IQGAP1: variants seen among roughly 807,000 people sequenced by gnomAD.
IQGAP1 encodes ras GTPase-activating-like protein IQGAP1.
In IQGAP1, 66 loss-of-function variants were observed where a neutral mutation model predicts 215.6. The ratio of observed to expected loss-of-function variants is 0.31; its 90% CI spans 0.25 to 0.38. IQGAP1 has a LOEUF of 0.38. Ranked by LOEUF, IQGAP1 falls within the 10% of genes least tolerant of loss-of-function variation. IQGAP1 has a pLI of 1.00. For missense variants in IQGAP1, 1,712 were observed against 1,997.1 expected, an observed-to-expected ratio of 0.86 and a Z score of 2.72; for synonymous variants, 772 against 728.7, an observed-to-expected ratio of 1.06 and a Z score of -0.96.
In IQGAP1 at chr15:90,500,135, G is replaced by A. The variant is rs372551808; in HGVS notation, c.*27G>A. On this transcript the variant is annotated 3_prime_UTR_variant, in exon 38 of 38. Transcript: ENST00000268182. ...TGATCGTTTGCTGCCAGCCCAGAAG[G>A]ATGAAGGAAAGAAGCACCTCACAGC... The A allele has an allele frequency of 1.4e-5, 19 of 1,344,720 alleles. No homozygotes were observed. Among genetic ancestry groups the A allele is most frequent in the Middle Eastern group, 1.8e-4 (1 of 5,568 alleles). The allele number at this position is 1,344,720 out of a possible 1,614,324, so 83.3% of individuals were successfully genotyped here.
rs547768968 is a variant in IQGAP1 at position 90,403,215 on chromosome 15, G to T, written c.155+12342G>T. 5.9e-5 allele frequency among the ~76,000 whole-genome samples: 9 copies of T among 152,320 alleles called. No homozygotes were observed. The South Asian group carries it at 1.9e-3, about 32-fold the overall frequency. ...CACTTGAGCCCAAGAGTTCGAGGCTGCAGTGAGCTACGATCACACTGCTGC... is the reference window on the plus strand; with the variant it reads ...CACTTGAGCCCAAGAGTTCGAGGCTTCAGTGAGCTACGATCACACTGCTGC... On this transcript the variant is annotated intron_variant, in intron 2 of 37. Transcript: ENST00000268182.
intron 18 of IQGAP1, among the ~76,000 whole-genome samples, chr15:90,471,267 T>G (rs1965900546): frequency 6.6e-6 from 1 of 152,150 alleles, no homozygotes; most frequent in South Asian, 2.1e-4. Context: ...TCCTTCATCT[T>G]TGTGCTCTGT....
rs2151042856 is a variant in IQGAP1 at position 90,500,777 on chromosome 15, T to C, written c.*669T>C. ...ACTTGGGCAATTCTGTTTGTGTAAC[T>C]CCCCGACTAGTGGATGGGAGAGTCC... On this transcript the variant is annotated 3_prime_UTR_variant, in exon 38 of 38. Transcript: ENST00000268182. 6.6e-6 allele frequency: 1 copy of C among 152,522 alleles called. No individual in the cohort carries two copies. The highest frequency in any genetic ancestry group is 2.1e-4 in the South Asian group (1 of 4,826). 9.4% of individuals were successfully genotyped at this position (152,522 alleles called of 1,614,324 possible).
intron 2 of IQGAP1, among the ~76,000 whole-genome samples, chr15:90,423,541 AT>A (rs539623790): frequency 2.0e-4 from 30 of 152,242 alleles, no homozygotes; most frequent in African/African-American, 7.0e-4. Flanking sequence ...CCTAGTCCTG[AT>A]TTATTTTATA....
intron 2 of IQGAP1, 132 bp downstream of exon 2, chr15:90,391,005 G>A (rs939828963): frequency 9.8e-6 from 6 of 611,664 alleles, no homozygotes; most frequent in Non-Finnish European, 1.8e-5. Flanking sequence ...AGGCCGAGGT[G>A]GGGGGGAATC....
At chr15:90,485,431 T>C (rs1966113384) in intron 30 of IQGAP1, among the ~76,000 whole-genome samples, 1 of 151,966 alleles carries the variant, frequency 6.6e-6, no homozygotes, top group South Asian at 2.1e-4. Context: ...GGGTTTTTTG[T>C]GTTTGTTTGT....
intron 28 of IQGAP1, 113 bp from the exon 29 acceptor site, chr15:90,483,248 T>A (rs1966083301): frequency 1.4e-6 from 1 of 707,942 alleles, no homozygotes; most frequent in African/African-American, 1.8e-5. Flanking sequence ...TATTTTTTAT[T>A]TATTTTTTCC....
chr15:90,410,449 G>C (rs1262450473), intron 2 of IQGAP1, among the ~76,000 whole-genome samples: 2 of 152,068 alleles, frequency 1.3e-5, no homozygotes, highest in East Asian at 3.9e-4. Flanking sequence ...ATGTCCATCA[G>C]TGATAGACTG....
At chr15:90,449,773 T>C (rs1308154668) in intron 11 of IQGAP1, 130 bp downstream of exon 11, 4 of 648,958 alleles carry the variant, frequency 6.2e-6, no homozygotes, top group Non-Finnish European at 1.0e-5. Flanking sequence ...CAGGTACTTT[T>C]GGTGGCAGGA....
chr15:90,433,031 A>G (rs1056267945), intron 4 of IQGAP1, among the ~76,000 whole-genome samples: 6 of 152,206 alleles, frequency 3.9e-5, no homozygotes, highest in Admixed American at 6.5e-5. Flanking sequence ...AATAAATAAC[A>G]TAGATCTAGC....
In IQGAP1 at chr15:90,482,220, A is replaced by G. The variant is rs1278869741; in HGVS notation, c.3494A>G (p.Lys1165Arg). ...KIPYGMRFIA[K>R]VLKDSLHEKF... ...AGTTATGGGATGCGCTTCATTGCCAAAGTGCTGAAGGACTCGTTGCATGAG... is the reference window on the plus strand; with the variant it reads ...AGTTATGGGATGCGCTTCATTGCCAGAGTGCTGAAGGACTCGTTGCATGAG... The change falls in exon 28 of 38, where the codon AAA (lysine) becomes AGA (arginine). Residue 1165 changes from lysine (K) to arginine (R), a missense_variant. This residue lies in a region of IQGAP1 where 691 missense variants were observed against 923.0 expected (regional missense o/e 0.75). Transcript: ENST00000268182. 1.9e-6 allele frequency: 3 copies of G among 1,614,088 alleles called. No individual in the cohort carries two copies. Among genetic ancestry groups the G allele is most frequent in the Non-Finnish European group, 2.5e-6 (3 of 1,180,038 alleles).
chr15:90,463,570 T>C (rs1596279244), intron 15 of IQGAP1, among the ~76,000 whole-genome samples: 1 of 152,230 alleles, frequency 6.6e-6, no homozygotes, highest in Non-Finnish European at 1.5e-5. Flanking sequence ...TAGTTATTCT[T>C]AGGACTCTAG....
chr15:90,417,400 G>A (rs1376413273), intron 2 of IQGAP1, among the ~76,000 whole-genome samples: 3 of 152,094 alleles, frequency 2.0e-5, no homozygotes, highest in East Asian at 3.8e-4. Context: ...TGTAAGGAAG[G>A]GATCCAGTTT....
chr15:90,488,351 G>T (rs924049399), intron 33 of IQGAP1, among the ~76,000 whole-genome samples: 7 of 151,746 alleles, frequency 4.6e-5, no homozygotes, highest in Non-Finnish European at 1.0e-4. Flanking sequence ...CAATATAAAT[G>T]CTGTGTAAAT....
At position 90,390,782 on chromosome 15, in the gene IQGAP1, G is replaced by T; in HGVS notation, c.64G>T (p.Asp22Tyr). The T allele has an allele frequency of 6.2e-7, 1 of 1,606,584 alleles. No individual in the cohort carries two copies. Among genetic ancestry groups the T allele is most frequent in the Non-Finnish European group, 8.5e-7 (1 of 1,173,210 alleles). Residue 22 changes from aspartate (D) to tyrosine (Y), a missense_variant, in exon 2 of 38, where the codon GAT becomes TAT. Coordinates refer to ENST00000268182, the MANE Select transcript of IQGAP1 (RefSeq NM_003870.4). ...TTTCTTTTATGTTGTAGCTGTCCTG[G>T]ATAATGAAAGACTTACTGCAGAGGA... is the stretch of plus-strand genomic sequence containing the variant. ...VARPHYGSVL[D>Y]NERLTAEEMD...
intron 3 of IQGAP1, among the ~76,000 whole-genome samples, chr15:90,427,730 A>G (rs1567122810): frequency 6.6e-6 from 1 of 151,758 alleles, no homozygotes; most frequent in Admixed American, 6.6e-5. Flanking sequence ...ACAGAGCAAG[A>G]CTCTGTCTCC....
At chr15:90,473,036 A>G in intron 19 of IQGAP1, 26 bp downstream of exon 19, 3 of 1,605,814 alleles carry the variant, frequency 1.9e-6, no homozygotes, top group Non-Finnish European at 2.6e-6. Flanking sequence ...TCACACAGAC[A>G]GCAAGCGGGC....
Position 90,483,443 on chromosome 15 carries a change from C to T in IQGAP1, c.3638C>T (p.Ala1213Val), listed in dbSNP as rs1460096148. 1.9e-6 allele frequency: 3 copies of T among 1,614,102 alleles called. No individual in the cohort carries two copies. Among genetic ancestry groups the T allele is most frequent in the Non-Finnish European group, 2.5e-6 (3 of 1,180,036 alleles). Reference protein sequence around the residue: ...PDAFDIIDLSAGGQLTTDQRR... With the variant: ...PDAFDIIDLSVGGQLTTDQRR... ...GCCTTTGACATCATTGACCTGTCAGCAGGAGGCCAGCTTACCACAGACCAA... is the reference window on the plus strand; with the variant it reads ...GCCTTTGACATCATTGACCTGTCAGTAGGAGGCCAGCTTACCACAGACCAA... The change falls in exon 29 of 38, where the codon GCA becomes GTA. Residue 1213 changes from alanine (A) to valine (V), a missense_variant. This residue lies in a region of IQGAP1 where 691 missense variants were observed against 923.0 expected (regional missense o/e 0.75). Transcript: ENST00000268182.
intron 3 of IQGAP1, among the ~76,000 whole-genome samples, chr15:90,427,123 C>T (rs1965234506): frequency 6.6e-6 from 1 of 151,670 alleles, no homozygotes; most frequent in Non-Finnish European, 1.5e-5. Flanking sequence ...ATTAGCCAGA[C>T]ATGGTCACAC....
Sources: gnomAD v4.1 joint callset for allele counts (sites outside exome capture counted in the v4.1 genomes callset) on GRCh38, gnomAD v4.1.1 for gene constraint, gnomAD v4.1.1 regional missense constraint, MANE v1.5 for transcripts, NCBI Gene and HGNC (gene_info 2026-07-23, HGNC 2026-07-21) for gene names.